The following AKAP9 variants were observed in gnomAD, a reference collection of about 807,000 sequenced individuals.
AKAP9 encodes A-kinase anchor protein 9.
AKAP9 carries 311 observed loss-of-function variants against 488.5 expected under a neutral mutation model. That is an observed-to-expected ratio of 0.64 (90% confidence interval 0.58 to 0.70). The LOEUF (loss-of-function observed/expected upper bound fraction) is 0.70, where lower values mean the gene tolerates loss of function less well. Among genes scored for constraint, AKAP9 ranks in the 30% least tolerant of loss-of-function variants. The pLI is 0.00. For missense variants in AKAP9, 4,215 were observed against 4,374.5 expected (o/e 0.96, Z 1.03); for synonymous variants, 1,462 against 1,483.5 (o/e 0.99, Z 0.33).
chr7:91,958,617 C>T (rs1644766348), intron 1 of AKAP9, among the ~76,000 whole-genome samples: 1 of 151,958 alleles, frequency 6.6e-6, no homozygotes, highest in African/African-American at 2.4e-5. Context: ...CATATGGGCC[C>T]ACGATAATTT....
intron 38 of AKAP9, chr7:92,090,069 T>C (rs1250343604): frequency 1.3e-5 from 2 of 152,602 alleles, no homozygotes; most frequent in Non-Finnish European, 2.9e-5. Context: ...GTAATCATTG[T>C]TCTGATTTTT....
At chr7:92,066,844 G>A (rs1810851215) in intron 26 of AKAP9, among the ~76,000 whole-genome samples, 1 of 152,070 alleles carries the variant, frequency 6.6e-6, no homozygotes, top group African/African-American at 2.4e-5. Flanking sequence ...TGTGTTCACT[G>A]TTTACTTTCC....
At chr7:91,986,817 A>C (rs1340277982) in intron 3 of AKAP9, among the ~76,000 whole-genome samples, 1 of 152,062 alleles carries the variant, frequency 6.6e-6, no homozygotes, top group African/African-American at 2.4e-5. Flanking sequence ...AACTTAGAAC[A>C]GTATTTATCA....
intron 35 of AKAP9, 45 bp downstream of exon 35, chr7:92,084,985 T>C: frequency 6.2e-7 from 1 of 1,603,028 alleles, no homozygotes; most frequent in Non-Finnish European, 8.5e-7. Context: ...CAGTGTTGTT[T>C]CTATGTTGAA....
chr7:92,091,455 C>T (rs941002632), intron 38 of AKAP9, among the ~76,000 whole-genome samples: 3 of 151,478 alleles, frequency 2.0e-5, no homozygotes, highest in South Asian at 2.1e-4. Flanking sequence ...GCGTGATGCT[C>T]GGTGCCTGTA....
At chr7:92,020,023 A>C (rs544333092) in intron 12 of AKAP9, among the ~76,000 whole-genome samples, 1 of 152,298 alleles carries the variant, frequency 6.6e-6, no homozygotes, top group African/African-American at 2.4e-5. Context: ...CAAAAAAAAA[A>C]ATAGAAAAGA....
At chr7:91,987,098 G>T (rs925485228) in intron 3 of AKAP9, among the ~76,000 whole-genome samples, 3 of 152,046 alleles carry the variant, frequency 2.0e-5, no homozygotes, top group African/African-American at 7.2e-5. Context: ...AATAAACAGT[G>T]ATTTAGAAGA....
At chr7:91,977,427 G>C (rs1562924790) in intron 2 of AKAP9, among the ~76,000 whole-genome samples, 2 of 152,028 alleles carry the variant, frequency 1.3e-5, no homozygotes. Context: ...ATGGTGGTGG[G>C]CAACTGTAGT....
Position 92,083,551 on chromosome 7 carries a change from T to C in AKAP9, c.8542T>C (p.Ser2848Pro), listed in dbSNP as rs528448594. 1.2e-6 allele frequency: 2 copies of C among 1,600,874 alleles called. No individual in the cohort carries two copies. Among genetic ancestry groups the C allele is most frequent in the African/African-American group, 2.7e-5 (2 of 74,270 alleles). ...EILDMESRHISETETLKREHY... is the reference protein window; with the variant it reads ...EILDMESRHIPETETLKREHY... ...TTTGGACATGGAATCCAGACATATTTCAGAAACTGAAACCTTAAAGAGGGA... is the reference window on the plus strand; with the variant it reads ...TTTGGACATGGAATCCAGACATATTCCAGAAACTGAAACCTTAAAGAGGGA... The change falls in exon 33 of 50, where the codon TCA becomes CCA. Residue 2848 changes from serine to proline, a missense_variant. Physicochemically the swap from Ser to Pro is moderately conservative, Grantham distance 74. This residue lies in a region of AKAP9 where 1,476 missense variants were observed against 1,477.4 expected (regional missense o/e 1.00). Coordinates refer to ENST00000356239, the MANE Select transcript of AKAP9 (RefSeq NM_005751.5).
chr7:92,000,598 A>C lies in AKAP9; in HGVS notation c.931-250A>C, dbSNP rs182681808. Among the ~76,000 whole-genome samples the C allele has an allele frequency of 5.9e-5, 9 of 152,360 alleles. No homozygotes were observed. The East Asian group carries it at 1.7e-3, about 29-fold the overall frequency. ...GGTTTTTAAACTAAAAATTTTAATC[A>C]CAGAAATGTTAAGAGAAATTTCTTC... On this transcript the variant is annotated intron_variant, in intron 7 of 49. Coordinates refer to ENST00000356239, the MANE Select transcript of AKAP9 (RefSeq NM_005751.5).
Position 92,105,669 on chromosome 7 carries a change from CTT to C in AKAP9, c.11331-4_11331-3del, listed in dbSNP as rs1818395426. 3.7e-6 allele frequency: 6 copies of C among 1,610,678 alleles called. No homozygotes were observed. Among genetic ancestry groups the C allele is most frequent in the Non-Finnish European group, 2.5e-6 (3 of 1,176,972 alleles). The stretch of plus-strand genomic sequence containing the variant: ...GGGCTGTGAAATTTTATCTTGGAAT[CTT>C]TTTTAGAATGAAATTTTTGGTTCGA... On this transcript the variant is annotated splice_region_variant and splice_polypyrimidine_tract_variant and intron_variant, in intron 46 of 49. Transcript: ENST00000356239.
intron 45 of AKAP9, among the ~76,000 whole-genome samples, chr7:92,101,301 G>A (rs1368620550): frequency 2.0e-5 from 3 of 152,058 alleles, no homozygotes; most frequent in African/African-American, 7.2e-5. Context: ...AATTAGCTGG[G>A]CGTGGTGGCG....
rs559598625 is a variant in AKAP9 at position 92,002,943 on chromosome 7, T to C, written c.3026T>C (p.Val1009Ala). The stretch of plus-strand genomic sequence containing the variant: ...ATTAACCACAACAGGGCAGAAAATG[T>C]ACAGTCATGTGATACTCAAGTAAGC... Reference protein sequence around the residue: ...IIINHNRAENVQSCDTQVSSL... With the variant: ...IIINHNRAENAQSCDTQVSSL... The change falls in exon 8 of 50, where the codon GTA becomes GCA. Residue 1009 changes from valine to alanine, a missense_variant. Val to Ala is a moderately conservative substitution (Grantham distance 64, BLOSUM62 0). Around this residue, in one of 5 missense-constraint regions of AKAP9, gnomAD observed 2,361 missense variants for 2,430.0 expected, o/e 0.97. Transcript: ENST00000356239. The C allele has an allele frequency of 1.2e-6, 2 of 1,612,202 alleles. No homozygotes were observed. The highest frequency in any genetic ancestry group is 2.2e-5 in the South Asian group (2 of 90,598).
chr7:92,013,136 C>T (rs1350692886), intron 9 of AKAP9, among the ~76,000 whole-genome samples: 2 of 149,120 alleles, frequency 1.3e-5, no homozygotes, highest in Non-Finnish European at 3.0e-5. Context: ...GGACTACAGG[C>T]GCCCGCCACT....
At chr7:92,081,286 T>C (rs978378610) in intron 31 of AKAP9, among the ~76,000 whole-genome samples, 8 of 151,324 alleles carry the variant, frequency 5.3e-5, no homozygotes, top group African/African-American at 1.9e-4. Context: ...TTAATTAATG[T>C]GTGGGTGACA....
chr7:92,102,769 G>T lies in AKAP9; in HGVS notation c.11273G>T (p.Arg3758Leu). The T allele has an allele frequency of 2.5e-6, 4 of 1,614,178 alleles. No individual in the cohort carries two copies. Among genetic ancestry groups the T allele is most frequent in the Non-Finnish European group, 3.4e-6 (4 of 1,180,034 alleles). ...AFTDLEVITNRPKGFTRFRSA... is the reference protein window; with the variant it reads ...AFTDLEVITNLPKGFTRFRSA... ...ACGGATCTAGAGGTGATCACCAATC[G>T]CCCAAAGGGCTTCACCAGGTTTCGG... Residue 3758 changes from arginine to leucine, a missense_variant, in exon 46 of 50, where the codon CGC (arginine) becomes CTC (leucine). Physicochemically the swap from Arg to Leu is moderately radical, Grantham distance 102. Around this residue, in one of 5 missense-constraint regions of AKAP9, gnomAD observed 253 missense variants for 266.8 expected, o/e 0.95. Transcript: ENST00000356239.
chr7:92,055,956 C>T (rs941151723), intron 22 of AKAP9, among the ~76,000 whole-genome samples: 1 of 151,780 alleles, frequency 6.6e-6, no homozygotes, highest in Non-Finnish European at 1.5e-5. Context: ...AACTACTTAC[C>T]TACAGATTTT....
intron 8 of AKAP9, among the ~76,000 whole-genome samples, chr7:92,011,938 CTAAAAATAA>C (rs1800804880): frequency 6.6e-6 from 1 of 151,998 alleles, no homozygotes; most frequent in Non-Finnish European, 1.5e-5. Flanking sequence ...CCATCTTTAC[CTAAAAATAA>C]AAAGTTAGCT....
chr7:91,960,256 C>T (rs956945536), intron 1 of AKAP9, among the ~76,000 whole-genome samples: 5 of 152,084 alleles, frequency 3.3e-5, no homozygotes, highest in African/African-American at 7.2e-5. Flanking sequence ...TTTGTTTCAT[C>T]GTGTTTGTTT....
Sources: gnomAD v4.1 joint callset for allele counts (sites outside exome capture counted in the v4.1 genomes callset) on GRCh38, gnomAD v4.1.1 for gene constraint, gnomAD v4.1.1 regional missense constraint, MANE v1.5 for transcripts, NCBI Gene and HGNC (gene_info 2026-07-23, HGNC 2026-07-21) for gene names.